Variants in ASMTL observed in about 807,000 individuals in gnomAD.
ASMTL encodes probable bifunctional dTTP/UTP pyrophosphatase/methyltransferase protein.
In ASMTL, 57 loss-of-function variants were observed where a neutral mutation model predicts 60.3. That is an observed-to-expected ratio of 0.95 (90% CI 0.76 to 1.18). ASMTL has a LOEUF of 1.18. Ranked by LOEUF, ASMTL falls within the 50% of genes most tolerant of loss-of-function variation. The pLI is 0.00. For synonymous variants in ASMTL, 419 were observed against 373.0 expected, an observed-to-expected ratio of 1.12 and a Z score of -1.42; for missense variants, 981 against 852.6, an observed-to-expected ratio of 1.15 and a Z score of -1.88.
At chrX:1,413,305 T>C (rs1394241857) in intron 11 of ASMTL, among the ~76,000 whole-genome samples, 1 of 152,042 alleles carries the variant, frequency 6.6e-6, no homozygotes, top group African/African-American at 2.4e-5. Context: ...GAGGTTGCAG[T>C]GAGCCGAGAT....
At chrX:1,436,553 C>T (rs1306320288) in intron 3 of ASMTL, among the ~76,000 whole-genome samples, 3 of 152,118 alleles carry the variant, frequency 2.0e-5, no homozygotes, top group African/African-American at 4.8e-5. Flanking sequence ...GGGGTTTCAC[C>T]ATGTTGGCCA....
At position 1,425,775 on chromosome X, in the gene ASMTL, G is replaced by A; in HGVS notation, c.898-88C>T. On this transcript the variant is annotated intron_variant, in intron 7 of 12. Coordinates refer to ENST00000381317, the MANE Select transcript of ASMTL (RefSeq NM_004192.4). ...GACTCAAAAGATGGAGGCCAACGCTGTCGGAAGTATACAACTTGGCCATTG... is the reference window on the plus strand; with the variant it reads ...GACTCAAAAGATGGAGGCCAACGCTATCGGAAGTATACAACTTGGCCATTG... 2.8e-6 allele frequency: 4 copies of A among 1,407,070 alleles called. No individual in the cohort carries two copies. The Admixed American group carries it at 6.1e-5, about 21-fold the overall frequency. 87.2% of individuals were successfully genotyped at this position (1,407,070 alleles called of 1,614,324 possible). A position where few individuals can be genotyped will look rare whatever the true frequency, so the allele number is the denominator to read the frequency against.
chrX:1,413,894 A>G (rs1390397698), intron 11 of ASMTL: 4 of 150,846 alleles, frequency 2.7e-5, no homozygotes, highest in Non-Finnish European at 5.9e-5. Flanking sequence ...ATCCTCCCCT[A>G]GAGCCTCTCA....
At chrX:1,407,219 T>A (rs752199297) in intron 12 of ASMTL, among the ~76,000 whole-genome samples, 3 of 151,342 alleles carry the variant, frequency 2.0e-5, no homozygotes, top group African/African-American at 7.3e-5. Flanking sequence ...GGTGAATAGA[T>A]GGTAGATGAT....
At chrX:1,443,066 C>CA (rs372892328) in intron 1 of ASMTL, among the ~76,000 whole-genome samples, 7 of 138,946 alleles carry the variant, frequency 5.0e-5, no homozygotes, top group Admixed American at 7.2e-5. Context: ...TGGACACACA[C>CA]CGTCGTCGTG....
At position 1,412,723 on chromosome X, in the gene ASMTL, G is replaced by A. The variant is rs777030276; in HGVS notation, c.1645+9C>T. 1.2e-6 allele frequency: 2 copies of A among 1,613,794 alleles called. No individual in the cohort carries two copies. ...AACAAAAACAGCTAACCTGACGATGGGCTCTCACCTGGCTTGCAGCTCTCG... is the reference window on the plus strand; with the variant it reads ...AACAAAAACAGCTAACCTGACGATGAGCTCTCACCTGGCTTGCAGCTCTCG... On this transcript the variant is annotated intron_variant, in intron 12 of 12. Transcript: ENST00000381317.
At position 1,443,349 on chromosome X, in the gene ASMTL, C is replaced by T. The variant is rs1333523219; in HGVS notation, c.94-1032G>A. On this transcript the variant is annotated intron_variant, in intron 1 of 12. Coordinates refer to ENST00000381317, the MANE Select transcript of ASMTL (RefSeq NM_004192.4). ...GACACACACCGCCATCTTGGACAGA[C>T]ACCGCCATCTTGGACACACACCACC... Among the ~76,000 whole-genome samples, 2 of 45,676 alleles carry T rather than the reference C, an allele frequency of 4.4e-5. 1 individual carries two copies. Among genetic ancestry groups the T allele is most frequent in the African/African-American group, 8.5e-5 (2 of 23,520 alleles). The allele number at this position is 45,676 out of a possible 152,430, so 30.0% of individuals were successfully genotyped here.
At chrX:1,430,850 T>C (rs1271795486) in intron 6 of ASMTL, among the ~76,000 whole-genome samples, 6 of 144,966 alleles carry the variant, frequency 4.1e-5, no homozygotes, top group Non-Finnish European at 6.0e-5. Context: ...ATACATATAT[T>C]TATATATTTA....
rs2091428038 is a variant in ASMTL, at chrX:1,452,728, C to CGCCCAG, written c.93+14_93+19dup. ...CCCCTCCGTCCCCGGTCCCCTGCCC[C>CGCCCAG]GCCCAGGCCCAGGCCGTACCGCGTT... On this transcript the variant is annotated intron_variant, in intron 1 of 12. Transcript: ENST00000381317. 4 of 1,573,732 alleles carry CGCCCAG rather than the reference C, an allele frequency of 2.5e-6. No homozygotes were observed. The highest frequency in any genetic ancestry group is 2.3e-4 in the Middle Eastern group (1 of 4,430).
intron 12 of ASMTL, among the ~76,000 whole-genome samples, chrX:1,405,932 G>A (rs1221282287): frequency 1.3e-5 from 2 of 150,694 alleles, no homozygotes; most frequent in African/African-American, 2.4e-5. Context: ...ATGAGTGGAT[G>A]GATGGATGAA....
chrX:1,421,989 GA>G, intron 8 of ASMTL, 147 bp from the exon 9 acceptor site: 1 of 734,772 alleles, frequency 1.4e-6, no homozygotes, highest in Non-Finnish European at 2.4e-6. Flanking sequence ...GACCATAGGG[GA>G]TGCATCATTG....
At chrX:1,450,536 C>T in intron 1 of ASMTL, among the ~76,000 whole-genome samples, 1 of 144,834 alleles carries the variant, frequency 6.9e-6, no homozygotes. Context: ...TCCCCTCCCC[C>T]ATCACTAGGG....
At chrX:1,450,219 C>T (rs1249496818) in intron 1 of ASMTL, among the ~76,000 whole-genome samples, 5 of 152,088 alleles carry the variant, frequency 3.3e-5, no homozygotes, top group African/African-American at 1.2e-4. Context: ...AGACCGTCTC[C>T]TCCATGTGAT....
chrX:1,452,966 C>G, upstream of ASMTL: 1 of 718,010 alleles, frequency 1.4e-6, no homozygotes, highest in South Asian at 2.0e-5. Flanking sequence ...CCGCCCGCCT[C>G]CGCGAGGCCA....
chrX:1,407,533 G>C (rs1295974643), intron 12 of ASMTL, among the ~76,000 whole-genome samples: 1 of 151,950 alleles, frequency 6.6e-6, no homozygotes, highest in Non-Finnish European at 1.5e-5. Context: ...ATGATGGGTA[G>C]GTAGATGATG....
intron 6 of ASMTL, 57 bp downstream of exon 6, chrX:1,432,212 G>C: frequency 5.0e-6 from 7 of 1,405,168 alleles, no homozygotes; most frequent in Non-Finnish European, 6.0e-6. Flanking sequence ...CCCCACGTGT[G>C]AGGGTGGCCA....
rs1187506859 is a variant in ASMTL, at chrX:1,403,210, G to A, written c.*59C>T. 3.5e-5 allele frequency: 50 copies of A among 1,442,464 alleles called. No individual in the cohort carries two copies. Among genetic ancestry groups the A allele is most frequent in the South Asian group, 2.5e-4 (22 of 86,846 alleles). The allele number at this position is 1,442,464 out of a possible 1,614,324, so 89.4% of individuals were successfully genotyped here. A position where few individuals can be genotyped will look rare whatever the true frequency, so the allele number is the denominator to read the frequency against. On this transcript the variant is annotated 3_prime_UTR_variant, in exon 13 of 13. Transcript: ENST00000381317. ...GACTGTCCTATGGTACTTGGGGACC[G>A]GGCGGTCCACCTGCAGCCTGGGGGA...
At chrX:1,414,396 G>T (rs747299284) in intron 11 of ASMTL, among the ~76,000 whole-genome samples, 10 of 152,286 alleles carry the variant, frequency 6.6e-5, no homozygotes, top group Admixed American at 2.6e-4. Context: ...CGAGGAGAAG[G>T]TGCTCTTTCA....
intron 12 of ASMTL, among the ~76,000 whole-genome samples, chrX:1,403,984 A>T (rs1311033691): frequency 1.3e-5 from 2 of 151,334 alleles, no homozygotes; most frequent in East Asian, 3.9e-4. Flanking sequence ...CATGGATGTG[A>T]TGGATGGATG....
Sources: allele counts gnomAD v4.1 joint callset (sites outside exome capture counted in the v4.1 genomes callset), GRCh38; gene constraint gnomAD v4.1.1; transcripts MANE v1.5; gene names NCBI Gene and HGNC (gene_info 2026-07-23, HGNC 2026-07-21).